TAP1: variants seen among roughly 807,000 people sequenced by gnomAD.
TAP1 encodes the protein transporter 1, ATP binding cassette subfamily B member.
A neutral mutation model predicts 79.3 loss-of-function variants in TAP1; 56 were observed. That is an observed-to-expected ratio of 0.71 (90% CI 0.57 to 0.88). The LOEUF is 0.88. Ranked by LOEUF, TAP1 falls within the 40% of genes least tolerant of loss-of-function variation. The pLI is 0.00. For synonymous variants in TAP1, 355 were observed against 401.4 expected (o/e 0.88, Z 1.38); for missense variants, 737 against 936.3 (o/e 0.79, Z 2.78).
At position 32,848,838 on chromosome 6, in the gene TAP1, T is replaced by C; in HGVS notation, c.1380A>G (p.Val460=). ...GTACTCTGGGGTAGATGGAGAGCAGTACCTAGAGGGAGGTAAGAATAGTGA... is the reference window on the plus strand; with the variant it reads ...GTACTCTGGGGTAGATGGAGAGCAGCACCTAGAGGGAGGTAAGAATAGTGA... The part of the protein sequence containing the change: ...YQMQFTQAVE[V]LLSIYPRVQK... The change falls in exon 7 of 11, where the codon GTA becomes GTG. Residue 460 remains valine (V), a splice_region_variant and synonymous_variant. Coordinates refer to ENST00000354258, the MANE Select transcript of TAP1 (RefSeq NM_000593.6). The C allele has an allele frequency of 1.2e-6, 2 of 1,613,850 alleles. No individual in the cohort carries two copies. Among genetic ancestry groups the C allele is most frequent in the African/African-American group, 2.7e-5 (2 of 75,012 alleles).
At position 32,852,138 on chromosome 6, in the gene TAP1, T is replaced by C; in HGVS notation, c.815A>G (p.Glu272Gly). ...CTGGTTCTGTTGGAAAAACTCCGTC[T>C]CCTGGCGCAGGACAGCCCCAAACAC... ...GEVFGAVLRQ[E>G]TEFFQQNQTG... is the part of the protein sequence containing the mutation. The change falls in exon 3 of 11, where the codon GAG (glutamate) becomes GGG (glycine). Residue 272 changes from glutamate (E) to glycine (G), a missense_variant. By Grantham distance (98) the Glu-to-Gly change is moderately conservative. Around this residue, in one of 5 missense-constraint regions of TAP1, gnomAD observed 406 missense variants for 477.2 expected, o/e 0.85. Coordinates refer to ENST00000354258, the MANE Select transcript of TAP1 (RefSeq NM_000593.6). This position sits in a 1 kb window ranked among gnomAD's most constrained non-coding sequence, Gnocchi z 4.8. 5.6e-6 allele frequency: 9 copies of C among 1,613,010 alleles called. No individual in the cohort carries two copies. Among genetic ancestry groups the C allele is most frequent in the Non-Finnish European group, 7.6e-6 (9 of 1,180,014 alleles).
intron 10 of TAP1, chr6:32,846,184 A>T (rs1419489053): frequency 1.0e-5 from 3 of 289,120 alleles, no homozygotes; most frequent in African/African-American, 4.3e-5. Context: ...AAGCTATATG[A>T]CCTCTATATG....
chr6:32,851,907 T>G lies in TAP1; in HGVS notation c.844+202A>C, dbSNP rs1770798710. 7.2e-6 allele frequency among the ~76,000 whole-genome samples: 1 copy of G among 139,042 alleles called. No individual in the cohort carries two copies. The highest frequency in any genetic ancestry group is 1.6e-5 in the Non-Finnish European group (1 of 63,256). The allele number at this position is 139,042 out of a possible 152,430, so 91.2% of individuals were successfully genotyped here. A position where few individuals can be genotyped will look rare whatever the true frequency, so the allele number is the denominator to read the frequency against. ...GGTATATCAAGAATGAGAAAAACAA[T>G]TGTGTGTGTGTGTGTGTGAGAGAGA... On this transcript the variant is annotated intron_variant, in intron 3 of 10. Coordinates refer to ENST00000354258, the MANE Select transcript of TAP1 (RefSeq NM_000593.6). The surrounding 1 kb of genome is among the most constrained non-coding windows in gnomAD (Gnocchi z 4.8).
chr6:32,849,402 T>A, intron 5 of TAP1: 1 of 532,118 alleles, frequency 1.9e-6, no homozygotes, highest in Non-Finnish European at 3.4e-6. Flanking sequence ...AGCTAATACA[T>A]GAAGAGCCTT....
Position 32,850,371 on chromosome 6 carries a change from T to C in TAP1, c.1197A>G (p.Thr399=). The part of the protein sequence containing the change: ...KFREKLQEIK[T]LNQKEAVAYA... ...AGGCCACAGCCTCCTTCTGGTTGAG[T>C]GTCTTTATTTCTTGCAGCTTTTCCC... is the stretch of plus-strand genomic sequence containing the variant. The change falls in exon 5 of 11, where the codon ACA becomes ACG. Residue 399 remains threonine, a synonymous_variant. Coordinates refer to ENST00000354258, the MANE Select transcript of TAP1 (RefSeq NM_000593.6). The surrounding 1 kb of genome is among the most constrained non-coding windows in gnomAD (Gnocchi z 5.5). The C allele has an allele frequency of 6.2e-7, 1 of 1,614,220 alleles. No individual in the cohort carries two copies. The highest frequency in any genetic ancestry group is 8.5e-7 in the Non-Finnish European group (1 of 1,180,038).
At position 32,845,652 on chromosome 6, in the gene TAP1, G is replaced by A; in HGVS notation, c.2174C>T (p.Thr725Ile). Reference sequence around the variant, plus strand: ...CTTTTTCTCCATGAGCTGCTGGTGGGTTCCCCCCTCCCGGATAGCGCCTCC... The same window carrying A: ...CTTTTTCTCCATGAGCTGCTGGTGGATTCCCCCCTCCCGGATAGCGCCTCC... ...LEGGAIREGG[T>I]HQQLMEKKGC... The change falls in exon 11 of 11, where the codon ACC becomes ATC. Residue 725 changes from threonine to isoleucine, a missense_variant. Physicochemically the swap from Thr to Ile is moderately conservative, Grantham distance 89 (BLOSUM62 -1). This residue lies in a region of TAP1 where 266 missense variants were observed against 332.4 expected (regional missense o/e 0.80). Coordinates refer to ENST00000354258, the MANE Select transcript of TAP1 (RefSeq NM_000593.6). The surrounding 1 kb of genome is among the most constrained non-coding windows in gnomAD (Gnocchi z 4.5). 6.2e-7 allele frequency: 1 copy of A among 1,613,084 alleles called. No homozygotes were observed. The highest frequency in any genetic ancestry group is 8.5e-7 in the Non-Finnish European group (1 of 1,180,036).
chr6:32,847,536 CCAGAGATGAAACTA>C lies in TAP1; in HGVS notation c.1866_1879del (p.His622GlnfsTer7), dbSNP rs1354641607. 6.2e-7 allele frequency: 1 copy of C among 1,613,636 alleles called. No individual in the cohort carries two copies. The highest frequency in any genetic ancestry group is 1.3e-5 in the African/African-American group (1 of 74,838). ...ACCTGTGTCATAGCCCTGAGGGAGT[CCAGAGATGAAACTA>C]TGGGCCCCAGACTTTACTGCAGCAG... is the stretch of plus-strand genomic sequence containing the variant. On this transcript the variant is annotated frameshift_variant, in exon 9 of 11. Coordinates refer to ENST00000354258, the MANE Select transcript of TAP1 (RefSeq NM_000593.6). LOFTEE classifies it high-confidence loss of function. The surrounding 1 kb of genome is among the most constrained non-coding windows in gnomAD (Gnocchi z 4.7).
Position 32,845,400 on chromosome 6 carries a change from C to T in TAP1, c.*179G>A. 1 of 690,902 alleles carries T rather than the reference C, an allele frequency of 1.4e-6. No homozygotes were observed. Among genetic ancestry groups the T allele is most frequent in the Non-Finnish European group, 2.6e-6 (1 of 388,206 alleles). The allele number at this position is 690,902 out of a possible 1,614,324, so 42.8% of individuals were successfully genotyped here. ...TCCGTTACAGTAAGGAATTACAAAT[C>T]CTGTGTTTGTACTCCAGGAAGTCTG... On this transcript the variant is annotated 3_prime_UTR_variant, in exon 11 of 11. Transcript: ENST00000354258. This position sits in a 1 kb window ranked among gnomAD's most constrained non-coding sequence, Gnocchi z 4.5.
chr6:32,852,416 T>C lies in TAP1; in HGVS notation c.685A>G (p.Thr229Ala). The C allele has an allele frequency of 6.2e-7, 1 of 1,612,856 alleles. No individual in the cohort carries two copies. Among genetic ancestry groups the C allele is most frequent in the South Asian group, 1.1e-5 (1 of 91,062 alleles). ...GSADTFTRNL[T>A]LMSILTIASA... ...GCTATGGTGAGAATGGACATGAGAGTTAAGTTTCGAGTGAAGGTATCGGCT... is the reference window on the plus strand; with the variant it reads ...GCTATGGTGAGAATGGACATGAGAGCTAAGTTTCGAGTGAAGGTATCGGCT... The change falls in exon 2 of 11, where the codon ACT (threonine) becomes GCT (alanine). Residue 229 changes from threonine to alanine, a missense_variant. This residue lies in a region of TAP1 where 406 missense variants were observed against 477.2 expected (regional missense o/e 0.85). Transcript: ENST00000354258. This position sits in a 1 kb window ranked among gnomAD's most constrained non-coding sequence, Gnocchi z 4.8.
Position 32,845,781 on chromosome 6 carries a change from T to C in TAP1, c.2045A>G (p.Glu682Gly), listed in dbSNP as rs759534787. The change falls in exon 11 of 11, where the codon GAG becomes GGG. Residue 682 changes from glutamate (E) to glycine (G), a missense_variant. By Grantham distance (98) the Glu-to-Gly change is moderately conservative. This residue lies in a region of TAP1 where 266 missense variants were observed against 332.4 expected (regional missense o/e 0.80). Coordinates refer to ENST00000354258, the MANE Select transcript of TAP1 (RefSeq NM_000593.6). The surrounding 1 kb of genome is among the most constrained non-coding windows in gnomAD (Gnocchi z 4.5). ...CTCAGGGCTTTCGTACAGGAGCTGC[T>C]CCACCTGAGGAAAGACATCGGACCG... is the stretch of plus-strand genomic sequence containing the variant. Reference protein sequence around the residue: ...ALDANSQLQVEQLLYESPERY... With the variant: ...ALDANSQLQVGQLLYESPERY... 1.2e-6 allele frequency: 2 copies of C among 1,611,302 alleles called. No homozygotes were observed. Among genetic ancestry groups the C allele is most frequent in the South Asian group, 1.1e-5 (1 of 91,024 alleles).
Position 32,845,430 on chromosome 6 carries a change from A to C in TAP1, c.*149T>G. On this transcript the variant is annotated 3_prime_UTR_variant, in exon 11 of 11. Transcript: ENST00000354258. The surrounding 1 kb of genome is among the most constrained non-coding windows in gnomAD (Gnocchi z 4.5). ...GTTTGTACTCCAGGAAGTCTGCATTATCACGAGGAGCTTGGAAAGGAGGTA... is the reference window on the plus strand; with the variant it reads ...GTTTGTACTCCAGGAAGTCTGCATTCTCACGAGGAGCTTGGAAAGGAGGTA... 1 of 776,742 alleles carries C rather than the reference A, an allele frequency of 1.3e-6. No homozygotes were observed. Among genetic ancestry groups the C allele is most frequent in the Non-Finnish European group, 2.2e-6 (1 of 451,552 alleles). The allele number at this position is 776,742 out of a possible 1,614,324, so 48.1% of individuals were successfully genotyped here.
chr6:32,850,258 A>G lies in TAP1; in HGVS notation c.1248+62T>C, dbSNP rs1248175917. The G allele has an allele frequency of 1.9e-6, 3 of 1,552,502 alleles. No individual in the cohort carries two copies. The highest frequency in any genetic ancestry group is 2.7e-6 in the Non-Finnish European group (3 of 1,124,190). ...GAGGAGTGGGAGCAGGGTCATAGGA[A>G]TGGGAATGGAGTCACGGCATCTTAA... On this transcript the variant is annotated intron_variant, in intron 5 of 10. Coordinates refer to ENST00000354258, the MANE Select transcript of TAP1 (RefSeq NM_000593.6). The surrounding 1 kb of genome is among the most constrained non-coding windows in gnomAD (Gnocchi z 5.5).
Position 32,847,462 on chromosome 6 carries a change from G to A in TAP1, c.1903+51C>T. ...GAAGGATAAAGGCAAGACTACTGGG[G>A]TTTCAGCAAAGGTAAAGATGGCTGG... On this transcript the variant is annotated intron_variant, in intron 9 of 10. Coordinates refer to ENST00000354258, the MANE Select transcript of TAP1 (RefSeq NM_000593.6). The surrounding 1 kb of genome is among the most constrained non-coding windows in gnomAD (Gnocchi z 4.7). 6.2e-7 allele frequency: 1 copy of A among 1,611,692 alleles called. No individual in the cohort carries two copies. The highest frequency in any genetic ancestry group is 1.1e-5 in the South Asian group (1 of 90,982).
rs138368358 is a variant in TAP1, at chr6:32,853,085, C to G, written c.552G>C (p.Thr184=). ...GGACCAGGAACAGCGAGAGGCGGCG[C>G]GTCTCCGAGCCCAGGCAGCCTAGAA... The part of the protein sequence containing the change: ...RRLLGCLGSE[T]RRLSLFLVLV... The change falls in exon 1 of 11, where the codon ACG becomes ACC. Residue 184 remains threonine, a synonymous_variant. Coordinates refer to ENST00000354258, the MANE Select transcript of TAP1 (RefSeq NM_000593.6). The surrounding 1 kb of genome is among the most constrained non-coding windows in gnomAD (Gnocchi z 8.3). 67 of 1,612,526 alleles carry G rather than the reference C, an allele frequency of 4.2e-5. No homozygotes were observed. The Admixed American group carries it at 5.5e-4, about 13-fold the overall frequency.
At position 32,852,381 on chromosome 6, in the gene TAP1, C is replaced by A; in HGVS notation, c.713+7G>T. The stretch of plus-strand genomic sequence containing the variant: ...TTTGCAGGGTGCCCCATTTTCAGCC[C>A]CCAGACCTGGCTATGGTGAGAATGG... On this transcript the variant is annotated splice_region_variant and intron_variant, in intron 2 of 10. Transcript: ENST00000354258. This position sits in a 1 kb window ranked among gnomAD's most constrained non-coding sequence, Gnocchi z 4.8. 6.2e-7 allele frequency: 1 copy of A among 1,613,052 alleles called. No homozygotes were observed. The highest frequency in any genetic ancestry group is 8.5e-7 in the Non-Finnish European group (1 of 1,180,018).
chr6:32,851,924 T>TGTGA lies in TAP1; in HGVS notation c.844+184_844+185insTCAC, dbSNP rs1554246364. Among the ~76,000 whole-genome samples the TGTGA allele has an allele frequency of 6.6e-4, 98 of 147,436 alleles. No homozygotes were observed. The highest frequency in any genetic ancestry group is 2.8e-3 in the East Asian group (14 of 5,024). On this transcript the variant is annotated intron_variant, in intron 3 of 10. Transcript: ENST00000354258. This position sits in a 1 kb window ranked among gnomAD's most constrained non-coding sequence, Gnocchi z 4.8. The stretch of plus-strand genomic sequence containing the variant: ...AAAAACAATTGTGTGTGTGTGTGTG[T>TGTGA]GAGAGAGAGAGAGAGAGAGACAGAG...
Position 32,853,693 on chromosome 6 carries a change from G to A in TAP1, c.-57C>T, listed in dbSNP as rs1194425690. On this transcript the variant is annotated 5_prime_UTR_variant, in exon 1 of 11. Coordinates refer to ENST00000354258, the MANE Select transcript of TAP1 (RefSeq NM_000593.6). The surrounding 1 kb of genome is among the most constrained non-coding windows in gnomAD (Gnocchi z 8.3). ...GGCCTGGGACTCTCCGCGCCCCGGTGGGGCCTGAAGCTCCGGGTACCGCCG... is the reference window on the plus strand; with the variant it reads ...GGCCTGGGACTCTCCGCGCCCCGGTAGGGCCTGAAGCTCCGGGTACCGCCG... 2 of 1,570,868 alleles carry A rather than the reference G, an allele frequency of 1.3e-6. No homozygotes were observed. The highest frequency in any genetic ancestry group is 1.7e-6 in the Non-Finnish European group (2 of 1,161,562).
In TAP1 at chr6:32,852,623, G is replaced by A; in HGVS notation, c.599-121C>T. On this transcript the variant is annotated intron_variant, in intron 1 of 10. Transcript: ENST00000354258. This position sits in a 1 kb window ranked among gnomAD's most constrained non-coding sequence, Gnocchi z 4.8. ...TATCCTGGAGGGCATCAGCAGAAAGGAAACACTGACGTCTCAATCCCGAAC... is the reference window on the plus strand; with the variant it reads ...TATCCTGGAGGGCATCAGCAGAAAGAAAACACTGACGTCTCAATCCCGAAC... The A allele has an allele frequency of 6.5e-7, 1 of 1,548,706 alleles. No individual in the cohort carries two copies. Among genetic ancestry groups the A allele is most frequent in the Non-Finnish European group, 8.7e-7 (1 of 1,147,944 alleles).
At position 32,851,114 on chromosome 6, in the gene TAP1, T is replaced by G; in HGVS notation, c.880A>C (p.Thr294Pro). ...IMSRVTEDTSTLSDSLSENLS... is the reference protein window; with the variant it reads ...IMSRVTEDTSPLSDSLSENLS... ...TTCTCACTCAGAGAATCACTCAGGGTGGACGTGTCCTCTGTTACCCGAGAC... is the reference window on the plus strand; with the variant it reads ...TTCTCACTCAGAGAATCACTCAGGGGGGACGTGTCCTCTGTTACCCGAGAC... Residue 294 changes from threonine to proline, a missense_variant, in exon 4 of 11, where the codon ACC becomes CCC. Thr to Pro is a conservative substitution (Grantham distance 38, BLOSUM62 -1). Coordinates refer to ENST00000354258, the MANE Select transcript of TAP1 (RefSeq NM_000593.6). The surrounding 1 kb of genome is among the most constrained non-coding windows in gnomAD (Gnocchi z 4.8). The G allele has an allele frequency of 6.2e-7, 1 of 1,612,814 alleles. No homozygotes were observed. The highest frequency in any genetic ancestry group is 8.5e-7 in the Non-Finnish European group (1 of 1,179,960).
Sources: allele counts gnomAD v4.1 joint callset (sites outside exome capture counted in the v4.1 genomes callset), GRCh38; gene constraint gnomAD v4.1.1; regional missense constraint gnomAD v4.1.1; non-coding constraint Gnocchi (gnomAD v3.1); transcripts MANE v1.5; gene names NCBI Gene and HGNC (gene_info 2026-07-23, HGNC 2026-07-21).